Variants in COL8A1 observed in about 807,000 individuals in gnomAD.
COL8A1 encodes collagen alpha-1(VIII) chain.
A neutral mutation model predicts 42.7 loss-of-function variants in COL8A1; 21 were observed. The ratio of observed to expected loss-of-function variants is 0.49; its 90% confidence interval spans 0.35 to 0.71. The LOEUF (loss-of-function observed/expected upper bound fraction) is 0.71. Ranked by LOEUF, COL8A1 falls within the 30% of genes least tolerant of loss-of-function variation. COL8A1 has a pLI of 0.01. For synonymous variants in COL8A1, 367 were observed against 369.1 expected, an observed-to-expected ratio of 0.99 and a Z score of 0.06; for missense variants, 788 against 962.4, an observed-to-expected ratio of 0.82 and a Z score of 2.40.
At chr3:99,738,080 G>A (rs369620040) in intron 1 of COL8A1, among the ~76,000 whole-genome samples, 1 of 152,000 alleles carries the variant, frequency 6.6e-6, no homozygotes, top group East Asian at 1.9e-4. Flanking sequence ...GCTCCATCAG[G>A]TCCTTTAAGC....
At chr3:99,682,712 G>A (rs769946725) in intron 1 of COL8A1, among the ~76,000 whole-genome samples, 5 of 151,468 alleles carry the variant, frequency 3.3e-5, no homozygotes, top group Admixed American at 1.3e-4. Context: ...AGGCATCTCC[G>A]TTAAGCTCTC....
intron 2 of COL8A1, among the ~76,000 whole-genome samples, chr3:99,753,949 A>C (rs1259569700): frequency 6.6e-6 from 1 of 152,222 alleles, no homozygotes; most frequent in East Asian, 1.9e-4. Context: ...CTGAACCTAG[A>C]CAGCTACTGG....
intron 1 of COL8A1, among the ~76,000 whole-genome samples, chr3:99,705,594 G>A (rs1405467838): frequency 2.0e-5 from 3 of 152,150 alleles, no homozygotes; most frequent in African/African-American, 7.2e-5. Flanking sequence ...AAGGTTCCAA[G>A]AGAGGTATCT....
chr3:99,670,263 C>A (rs1938502076), intron 1 of COL8A1, among the ~76,000 whole-genome samples: 1 of 151,976 alleles, frequency 6.6e-6, no homozygotes, highest in African/African-American at 2.4e-5. Context: ...GTAGTAACAG[C>A]CATATCTCTT....
chr3:99,709,627 A>G (rs1184003010), intron 1 of COL8A1, among the ~76,000 whole-genome samples: 3 of 152,168 alleles, frequency 2.0e-5, no homozygotes, highest in African/African-American at 4.8e-5. Context: ...AGATGTTTCT[A>G]TGAGGAATTT....
chr3:99,729,492 G>A (rs35577846), intron 1 of COL8A1, among the ~76,000 whole-genome samples: 26,794 of 151,680 alleles, frequency 0.18, 2,481 homozygotes, highest in South Asian at 0.23. Context: ...GAAAATTAAG[G>A]TCTCTCTAAA....
At chr3:99,784,335 T>C (rs1436558168) in intron 2 of COL8A1, among the ~76,000 whole-genome samples, 2 of 152,188 alleles carry the variant, frequency 1.3e-5, no homozygotes, top group Non-Finnish European at 2.9e-5. Context: ...AACTGTAATG[T>C]CAAAAAAGAC....
intron 1 of COL8A1, among the ~76,000 whole-genome samples, chr3:99,724,168 C>G (rs2107373417): frequency 1.3e-5 from 2 of 152,130 alleles, no homozygotes; most frequent in Middle Eastern, 6.8e-3. Context: ...CATGGATTAG[C>G]TAAAGTTGGA....
At chr3:99,787,397 C>A (rs956556277) in intron 2 of COL8A1, among the ~76,000 whole-genome samples, 1 of 152,126 alleles carries the variant, frequency 6.6e-6, no homozygotes, top group Non-Finnish European at 1.5e-5. Context: ...TTAACAAGTG[C>A]ATTTTAATGG....
chr3:99,691,701 T>TTTTA (rs1939224639), intron 1 of COL8A1: 1 of 139,208 alleles, frequency 7.2e-6, no homozygotes, highest in African/African-American at 2.7e-5. Flanking sequence ...TTTTTTTTTT[T>TTTTA]TAAAAAAAAA....
intron 1 of COL8A1, among the ~76,000 whole-genome samples, chr3:99,724,524 T>A (rs1940246702): frequency 6.6e-6 from 1 of 152,098 alleles, no homozygotes; most frequent in Non-Finnish European, 1.5e-5. Flanking sequence ...TTGTTTTTCT[T>A]ATTTCTTTGT....
chr3:99,662,304 C>T (rs150329703), intron 1 of COL8A1, among the ~76,000 whole-genome samples: 1,931 of 151,910 alleles, frequency 0.013, 42 homozygotes, highest in African/African-American at 0.044. Context: ...ATCGCTTGAA[C>T]CCAGGAGACG....
At chr3:99,725,560 C>T (rs1466209136) in intron 1 of COL8A1, among the ~76,000 whole-genome samples, 2 of 92,066 alleles carry the variant, frequency 2.2e-5, no homozygotes, top group Non-Finnish European at 4.0e-5. Context: ...TGCTATCCCT[C>T]CCCCCTCCCC....
At chr3:99,698,857 A>G (rs1699918796) in intron 1 of COL8A1, among the ~76,000 whole-genome samples, 1 of 152,230 alleles carries the variant, frequency 6.6e-6, no homozygotes, top group South Asian at 2.1e-4. Flanking sequence ...CTGCAGCTGT[A>G]TATCAAGGTA....
At chr3:99,737,031 T>C (rs930531694) in intron 1 of COL8A1, among the ~76,000 whole-genome samples, 3 of 152,166 alleles carry the variant, frequency 2.0e-5, no homozygotes, top group African/African-American at 7.2e-5. Flanking sequence ...TAAAGTCTGT[T>C]TTATCAGAGA....
At chr3:99,773,845 T>A (rs1336128326) in intron 2 of COL8A1, among the ~76,000 whole-genome samples, 28 of 101,284 alleles carry the variant, frequency 2.8e-4, no homozygotes, top group East Asian at 1.3e-3. Flanking sequence ...ATATTTTTTT[T>A]TTTTTTTTTT....
chr3:99,672,920 C>T (rs1245897592), intron 1 of COL8A1, among the ~76,000 whole-genome samples: 1 of 151,954 alleles, frequency 6.6e-6, no homozygotes, highest in Non-Finnish European at 1.5e-5. Flanking sequence ...TGTTCGTGCA[C>T]TGCTTGGATT....
In COL8A1 at chr3:99,794,429, G is replaced by A. The variant is rs1235781252; in HGVS notation, c.528G>A (p.Gly176=). 2 of 1,613,878 alleles carry A rather than the reference G, an allele frequency of 1.2e-6. No individual in the cohort carries two copies. Among genetic ancestry groups the A allele is most frequent in the African/African-American group, 1.3e-5 (1 of 74,866 alleles). ...AGCCAGGAGCCATGGGCATGCCTGGGGCAAAAGGAGAAATTGGACAGAAAG... is the reference window on the plus strand; with the variant it reads ...AGCCAGGAGCCATGGGCATGCCTGGAGCAAAAGGAGAAATTGGACAGAAAG... The part of the protein sequence containing the change: ...PGKPGAMGMP[G]AKGEIGQKGE... Residue 176 remains glycine (G), a synonymous_variant, in exon 4 of 4, where the codon GGG becomes GGA. Coordinates refer to ENST00000652472, the MANE Select transcript of COL8A1 (RefSeq NM_020351.4). The surrounding 1 kb of genome is among the most constrained non-coding windows in gnomAD (Gnocchi z 4.3).
At chr3:99,750,049 C>CTTTTTTTTTTTTTTTTTTTTTTTTTTT (rs1176042144) in intron 2 of COL8A1, among the ~76,000 whole-genome samples, 4 of 65,970 alleles carry the variant, frequency 6.1e-5, no homozygotes, top group Admixed American at 2.5e-4. Context: ...TTTTTTTCTT[C>CTTTTTTTTTTTTTTTTTTTTTTTTTTT]TTTTTTTTTT....
Sources: allele counts gnomAD v4.1 joint callset (sites outside exome capture counted in the v4.1 genomes callset), GRCh38; gene constraint gnomAD v4.1.1; non-coding constraint Gnocchi (gnomAD v3.1); transcripts MANE v1.5; gene names NCBI Gene and HGNC (gene_info 2026-07-23, HGNC 2026-07-21).